The following ZNF345 variants were observed in gnomAD, a reference collection of about 807,000 sequenced individuals.
ZNF345 encodes zinc finger protein HZF10.
For missense variants in ZNF345, 527 were observed against 589.9 expected, an observed-to-expected ratio of 0.89 and a Z score of 1.10; for synonymous variants, 166 against 187.9, an observed-to-expected ratio of 0.88 and a Z score of 0.95.
At chr19:36,881,820 C>T (rs943612847), downstream of ZNF345, among the ~76,000 whole-genome samples, 2 of 152,106 alleles carry the variant, frequency 1.3e-5, no homozygotes, top group African/African-American at 4.8e-5. Flanking sequence ...AACCCACTTT[C>T]AGAGACATTA....
exon 4 of ZNF345, chr19:36,892,821 C>A: frequency 1.2e-6 from 1 of 820,874 alleles, no homozygotes; most frequent in East Asian, 3.3e-5. Flanking sequence ...ACCCCAGATC[C>A]CCCACAGGCG....
intron 3 of ZNF345, chr19:36,891,545 C>G (rs1315733972): frequency 6.2e-7 from 1 of 1,606,298 alleles, no homozygotes; most frequent in South Asian, 1.1e-5. Flanking sequence ...CTACCAAAAG[C>G]CTTTCCACAT....
chr19:36,892,146 CTTACATTCA>C, intron 3 of ZNF345: 1 of 1,614,076 alleles, frequency 6.2e-7, no homozygotes, highest in Non-Finnish European at 8.5e-7. Context: ...TGCCACATTC[CTTACATTCA>C]TAGGGTTTTT....
rs2146207988 is a variant in ZNF345, at chr19:36,878,001, A to C, written c.1171A>C (p.Ile391Leu). Residue 391 changes from isoleucine (I) to leucine (L), a missense_variant, in exon 3 of 3, where the codon ATC (isoleucine) becomes CTC (leucine). By Grantham distance (5) the Ile-to-Leu change is conservative. Coordinates refer to ENST00000420450, the MANE Select transcript of ZNF345 (RefSeq NM_001242472.2). ...CTCAAAACTTATCCAACACCAGCTA[A>C]TCCATACTGGTGAAAGACCCTATGA... Reference protein sequence around the residue: ...SGSKLIQHQLIHTGERPYECK... With the variant: ...SGSKLIQHQLLHTGERPYECK... The C allele has an allele frequency of 6.2e-7, 1 of 1,613,954 alleles. No individual in the cohort carries two copies. The highest frequency in any genetic ancestry group is 8.5e-7 in the Non-Finnish European group (1 of 1,179,870).
chr19:36,873,733 G>GT (rs1286454386), intron 2 of ZNF345, among the ~76,000 whole-genome samples: 2 of 150,064 alleles, frequency 1.3e-5, no homozygotes, highest in African/African-American at 4.9e-5. Context: ...AGATCATGCA[G>GT]TATTTCTCTT....
intron 2 of ZNF345, among the ~76,000 whole-genome samples, chr19:36,875,589 C>T (rs1182720005): frequency 2.6e-5 from 4 of 152,126 alleles, no homozygotes; most frequent in Non-Finnish European, 5.9e-5. Context: ...GGCTAAATAT[C>T]ACTCTGGGTG....
downstream of ZNF345, among the ~76,000 whole-genome samples, chr19:36,881,610 A>G (rs532119579): frequency 4.1e-4 from 62 of 152,324 alleles, no homozygotes; most frequent in African/African-American, 1.4e-3. Context: ...AGATGAAAAT[A>G]TATCAGCATT....
intron 2 of ZNF345, among the ~76,000 whole-genome samples, chr19:36,874,916 A>T (rs979509038): frequency 6.6e-6 from 1 of 152,196 alleles, no homozygotes; most frequent in Non-Finnish European, 1.5e-5. Context: ...GCGTACGGGG[A>T]TAAATGCACG....
chr19:36,878,141 T>A lies in ZNF345; in HGVS notation c.1311T>A (p.Ser437Arg). 1 of 1,614,080 alleles carries A rather than the reference T, an allele frequency of 6.2e-7. No individual in the cohort carries two copies. Reference sequence around the variant, plus strand: ...AGGAGTGTGGGAAGGCTTTTTATAGTGGCTCAAGCCTTACTCAGCATCAGA... The same window carrying A: ...AGGAGTGTGGGAAGGCTTTTTATAGAGGCTCAAGCCTTACTCAGCATCAGA... ...ECKECGKAFY[S>R]GSSLTQHQRI... Residue 437 changes from serine (S) to arginine (R), a missense_variant, in exon 3 of 3, where the codon AGT (serine) becomes AGA (arginine). Coordinates refer to ENST00000420450, the MANE Select transcript of ZNF345 (RefSeq NM_001242472.2).
rs749868821 is a variant in ZNF345 at position 36,877,493 on chromosome 19, G to C, written c.663G>C (p.Arg221=). Residue 221 remains arginine (R), a synonymous_variant, in exon 3 of 3, where the codon CGG becomes CGC. Coordinates refer to ENST00000420450, the MANE Select transcript of ZNF345 (RefSeq NM_001242472.2). ...GTGGTTCAAACCTTACTCAACATCG[G>C]CGGATTCATACTGGTGAGAAACCTT... ...FGSGSNLTQH[R]RIHTGEKPYE... 6.2e-7 allele frequency: 1 copy of C among 1,614,058 alleles called. No homozygotes were observed. Among genetic ancestry groups the C allele is most frequent in the Non-Finnish European group, 8.5e-7 (1 of 1,180,008 alleles).
rs575890180 is a variant in ZNF345 at position 36,855,885 on chromosome 19, A to G, written c.-47+3981A>G. Among the ~76,000 whole-genome samples, 14 of 152,306 alleles carry G rather than the reference A, an allele frequency of 9.2e-5. No individual in the cohort carries two copies. In the South Asian group the frequency reaches 2.9e-3, roughly 32 times the overall value. ...TAGTTCACATATTGTCTTCATTGGG[A>G]AAAAAGTCATCTCAGATTATTTTAC... On this transcript the variant is annotated intron_variant, in intron 2 of 2. Transcript: ENST00000420450.
At chr19:36,856,338 T>A (rs1451180036) in intron 2 of ZNF345, among the ~76,000 whole-genome samples, 1 of 152,232 alleles carries the variant, frequency 6.6e-6, no homozygotes, top group East Asian at 1.9e-4. Context: ...AATTCAATTT[T>A]TTCTCATTTA....
Position 36,877,416 on chromosome 19 carries a change from C to A in ZNF345, c.586C>A (p.His196Asn), listed in dbSNP as rs750096450. 3 of 1,614,044 alleles carry A rather than the reference C, an allele frequency of 1.9e-6. No individual in the cohort carries two copies. Among genetic ancestry groups the A allele is most frequent in the South Asian group, 2.2e-5 (2 of 91,082 alleles). ...ESALIRHHRIHTGEKPYECID... is the reference protein window; with the variant it reads ...ESALIRHHRINTGEKPYECID... Reference sequence around the variant, plus strand: ...AGCCCTTATTCGGCATCACAGAATTCACACAGGTGAGAAACCTTATGAATG... The same window carrying A: ...AGCCCTTATTCGGCATCACAGAATTAACACAGGTGAGAAACCTTATGAATG... Residue 196 changes from histidine (H) to asparagine (N), a missense_variant, in exon 3 of 3, where the codon CAC becomes AAC. His to Asn is a moderately conservative substitution (Grantham distance 68, BLOSUM62 1). Transcript: ENST00000420450.
At chr19:36,888,273 A>G (rs1204028214) in intron 3 of ZNF345, 3 of 152,170 alleles carry the variant, frequency 2.0e-5, no homozygotes, top group African/African-American at 4.8e-5. Flanking sequence ...ATTTAATAGT[A>G]TACATATTCC....
intron 2 of ZNF345, among the ~76,000 whole-genome samples, chr19:36,852,762 A>AT (rs2072312774): frequency 1.3e-5 from 2 of 152,112 alleles, no homozygotes; most frequent in South Asian, 4.1e-4. Flanking sequence ...AAACTCTTAA[A>AT]TTTTTGCCAA....
chr19:36,852,997 G>A (rs748569947), intron 2 of ZNF345, among the ~76,000 whole-genome samples: 8 of 150,524 alleles, frequency 5.3e-5, no homozygotes, highest in Non-Finnish European at 1.2e-4. Flanking sequence ...TCTGATTTAC[G>A]GCAGTTGTAC....
intron 2 of ZNF345, among the ~76,000 whole-genome samples, chr19:36,856,417 A>C (rs1218553991): frequency 2.6e-5 from 4 of 151,842 alleles, no homozygotes; most frequent in African/African-American, 7.3e-5. Context: ...TGTACTGCCT[A>C]CTTGGTGATA....
At chr19:36,868,670 A>G (rs2072713405) in intron 2 of ZNF345, among the ~76,000 whole-genome samples, 4 of 139,604 alleles carry the variant, frequency 2.9e-5, no homozygotes, top group African/African-American at 1.1e-4. Context: ...TCTGTTGCCC[A>G]GGCTGGAGTG....
intron 3 of ZNF345, chr19:36,888,838 T>A (rs1463385583): frequency 1.3e-5 from 2 of 152,310 alleles, no homozygotes; most frequent in Non-Finnish European, 2.9e-5. Flanking sequence ...AATGGCACTA[T>A]CTCAGCTCAC....
Sources: gnomAD v4.1 joint callset for allele counts (sites outside exome capture counted in the v4.1 genomes callset) on GRCh38, gnomAD v4.1.1 for gene constraint, MANE v1.5 for transcripts, NCBI Gene and HGNC (gene_info 2026-07-23, HGNC 2026-07-21) for gene names.